Variants in PRDM5 observed in about 807,000 individuals in gnomAD.
PRDM5 encodes PR domain zinc finger protein 5.
PRDM5 carries 56 observed loss-of-function variants against 81.2 expected under a neutral mutation model. The observed-to-expected ratio is 0.69, with a 90% CI of 0.56 to 0.86. PRDM5 has a LOEUF of 0.86. Among genes scored for constraint, PRDM5 ranks in the 40% least tolerant of loss-of-function variants. PRDM5 has a pLI of 0.00. For synonymous variants in PRDM5, 267 were observed against 256.4 expected (o/e 1.04, Z -0.39); for missense variants, 697 against 770.1 (o/e 0.91, Z 1.12).
Position 120,848,240 on chromosome 4 carries a change from A to G in PRDM5, c.300+5178T>C, listed in dbSNP as rs1257662917. ...ACATAACATAAATAACTTAAAATAT[A>G]TATTTTAAAATTAACCTGCTTTGAA... On this transcript the variant is annotated intron_variant, in intron 3 of 15. Transcript: ENST00000264808. 2.0e-5 allele frequency among the ~76,000 whole-genome samples: 3 copies of G among 152,220 alleles called. No homozygotes were observed. The East Asian group carries it at 5.8e-4, about 29-fold the overall frequency.
intron 14 of PRDM5, among the ~76,000 whole-genome samples, chr4:120,747,453 T>C (rs928143749): frequency 6.6e-6 from 1 of 151,906 alleles, no homozygotes; most frequent in East Asian, 1.9e-4. Context: ...AATAAAAAAT[T>C]AAAAAATAAA....
rs549933401 is a variant in PRDM5, at chr4:120,778,841, C to T, written c.1444-1560G>A. 1.8e-4 allele frequency among the ~76,000 whole-genome samples: 27 copies of T among 152,144 alleles called. No individual in the cohort carries two copies. The South Asian group carries it at 5.6e-3, about 32-fold the overall frequency. On this transcript the variant is annotated intron_variant, in intron 12 of 15. Transcript: ENST00000264808. ...ACATTTCAGTAAGAGCCTTTACTCC[C>T]CAGGTCCACATTATGGTTCAATCTA...
At chr4:120,880,604 C>T (rs1421413613) in intron 2 of PRDM5, among the ~76,000 whole-genome samples, 1 of 152,104 alleles carries the variant, frequency 6.6e-6, no homozygotes, top group Non-Finnish European at 1.5e-5. Flanking sequence ...TTTATACCTA[C>T]AGCACATGTC....
chr4:120,784,483 T>C (rs1461346247), intron 11 of PRDM5, among the ~76,000 whole-genome samples: 2 of 152,108 alleles, frequency 1.3e-5, no homozygotes, highest in Admixed American at 6.6e-5. Context: ...TGCTACTCCT[T>C]GCGCTGTGAA....
chr4:120,722,495 C>G (rs539185996), intron 14 of PRDM5, among the ~76,000 whole-genome samples: 76 of 152,010 alleles, frequency 5.0e-4, no homozygotes, highest in African/African-American at 1.8e-3. Context: ...AAAGAGTGAC[C>G]CTTGATCAGG....
intron 2 of PRDM5, among the ~76,000 whole-genome samples, chr4:120,883,504 CA>C (rs1459937553): frequency 7.0e-6 from 1 of 142,086 alleles, no homozygotes; most frequent in African/African-American, 2.6e-5. Context: ...TCTAAGAATC[CA>C]AAATACTTAT....
intron 2 of PRDM5, among the ~76,000 whole-genome samples, chr4:120,898,379 T>A (rs1764884699): frequency 6.6e-6 from 1 of 152,218 alleles, no homozygotes; most frequent in East Asian, 1.9e-4. Context: ...TATTTTTTAG[T>A]CCTTTTGGGT....
intron 13 of PRDM5, among the ~76,000 whole-genome samples, chr4:120,772,273 G>T (rs945035551): frequency 6.6e-6 from 1 of 152,178 alleles, no homozygotes; most frequent in African/African-American, 2.4e-5. Flanking sequence ...TTACTGATAG[G>T]ATGATCTTTT....
At chr4:120,717,172 T>G (rs1233343461) in intron 14 of PRDM5, among the ~76,000 whole-genome samples, 1 of 152,178 alleles carries the variant, frequency 6.6e-6, no homozygotes, top group Admixed American at 6.5e-5. Flanking sequence ...AAAGAATGAT[T>G]AGGTTCTTGA....
At chr4:120,733,301 A>T (rs1167341311) in intron 14 of PRDM5, among the ~76,000 whole-genome samples, 2 of 152,108 alleles carry the variant, frequency 1.3e-5, no homozygotes, top group African/African-American at 4.8e-5. Context: ...GACTCCTCAC[A>T]GTCTTGCCAT....
intron 13 of PRDM5, among the ~76,000 whole-genome samples, chr4:120,775,488 G>C (rs181683577): frequency 6.6e-6 from 1 of 152,094 alleles, no homozygotes. Context: ...CTACTGGATT[G>C]GGTTCATCTT....
At chr4:120,712,522 C>G (rs761022207) in intron 14 of PRDM5, among the ~76,000 whole-genome samples, 5 of 152,164 alleles carry the variant, frequency 3.3e-5, no homozygotes, top group Non-Finnish European at 5.9e-5. Flanking sequence ...CCACCTGCAG[C>G]ACTCTCCCAT....
intron 3 of PRDM5, among the ~76,000 whole-genome samples, chr4:120,840,700 T>C (rs1169685667): frequency 6.6e-6 from 1 of 152,100 alleles, no homozygotes; most frequent in East Asian, 1.9e-4. Flanking sequence ...CCTCTGTCCA[T>C]CACAGGTCAC....
intron 13 of PRDM5, among the ~76,000 whole-genome samples, chr4:120,764,472 G>A (rs924362477): frequency 6.6e-6 from 1 of 151,366 alleles, no homozygotes; most frequent in Non-Finnish European, 1.5e-5. Flanking sequence ...TTTGAAGAAA[G>A]AAAAAATAGA....
intron 14 of PRDM5, among the ~76,000 whole-genome samples, chr4:120,710,912 T>C (rs956122253): frequency 6.6e-6 from 1 of 152,106 alleles, no homozygotes; most frequent in Admixed American, 6.5e-5. Context: ...ATACAGGTGC[T>C]ATGAGCAATT....
intron 3 of PRDM5, among the ~76,000 whole-genome samples, chr4:120,850,226 C>T (rs1486451354): frequency 2.6e-5 from 4 of 151,986 alleles, no homozygotes; most frequent in African/African-American, 9.7e-5. Flanking sequence ...GGATATACAG[C>T]TCAAATAAAA....
rs572775232 is a variant in PRDM5 at position 120,780,010 on chromosome 4, A to T, written c.1443+1133T>A. 3.9e-5 allele frequency among the ~76,000 whole-genome samples: 6 copies of T among 152,232 alleles called. No homozygotes were observed. In the South Asian group the frequency reaches 1.2e-3, roughly 32 times the overall value. On this transcript the variant is annotated intron_variant, in intron 12 of 15. Coordinates refer to ENST00000264808, the MANE Select transcript of PRDM5 (RefSeq NM_018699.4). The stretch of plus-strand genomic sequence containing the variant: ...TAAAAATTAAATATTAAAAAAATAC[A>T]GGAAAAGAAAGTTACTCAATTCAAT...
Position 120,922,668 on chromosome 4 carries a change from G to A in PRDM5, c.-60C>T. ...ACCGGCGCTTAGCGCCCGGCAGGCG[G>A]CACATCGAAATTTGGGGTGCCAGGG... On this transcript the variant is annotated 5_prime_UTR_variant, in exon 1 of 16. Coordinates refer to ENST00000264808, the MANE Select transcript of PRDM5 (RefSeq NM_018699.4). 1.3e-6 allele frequency: 2 copies of A among 1,561,012 alleles called. No individual in the cohort carries two copies. Among genetic ancestry groups the A allele is most frequent in the Non-Finnish European group, 1.7e-6 (2 of 1,152,376 alleles).
At chr4:120,816,419 C>T (rs757340709) in intron 7 of PRDM5, 34 bp downstream of exon 7, 2 of 1,614,118 alleles carry the variant, frequency 1.2e-6, no homozygotes, top group East Asian at 2.2e-5. Flanking sequence ...GGAAAGGAAG[C>T]CCCTTCGGAA....
Sources: gnomAD v4.1 joint callset for allele counts (sites outside exome capture counted in the v4.1 genomes callset) on GRCh38, gnomAD v4.1.1 for gene constraint, MANE v1.5 for transcripts, NCBI Gene and HGNC (gene_info 2026-07-23, HGNC 2026-07-21) for gene names.